Variants in FRMD4A observed in about 807,000 individuals in gnomAD.
FRMD4A encodes FERM domain containing 4A, also known as FERM domain-containing protein 4A.
FRMD4A carries 29 observed loss-of-function variants against 129.1 expected under a neutral mutation model. The observed-to-expected ratio is 0.22, with a 90% CI of 0.17 to 0.31. The LOEUF (loss-of-function observed/expected upper bound fraction) is 0.31. Ranked by LOEUF, FRMD4A falls within the 10% of genes least tolerant of loss-of-function variation. The probability of loss-of-function intolerance (pLI) is 1.00; values close to 1 mark genes in which losing one functional copy is unlikely to be tolerated. For missense variants in FRMD4A, 1,272 were observed against 1,375.8 expected, an observed-to-expected ratio of 0.92 and a Z score of 1.19; for synonymous variants, 634 against 571.6, an observed-to-expected ratio of 1.11 and a Z score of -1.56.
At chr10:13,878,216 T>A (rs2094508001) in intron 2 of FRMD4A, among the ~76,000 whole-genome samples, 1 of 140,076 alleles carries the variant, frequency 7.1e-6, no homozygotes, top group Non-Finnish European at 1.5e-5. Context: ...TGTTGACTAC[T>A]TGTAGCAAAA....
chr10:13,934,928 G>T (rs113204407), intron 2 of FRMD4A, among the ~76,000 whole-genome samples: 5 of 152,104 alleles, frequency 3.3e-5, no homozygotes, highest in Non-Finnish European at 7.4e-5. Context: ...GGTAGCTTTG[G>T]CGTCAGGTGA....
At chr10:13,715,992 T>C (rs989294431) in intron 12 of FRMD4A, among the ~76,000 whole-genome samples, 1 of 151,278 alleles carries the variant, frequency 6.6e-6, no homozygotes, top group Non-Finnish European at 1.5e-5. Context: ...AAGTAAAACA[T>C]AAAAGTTATG....
intron 2 of FRMD4A, among the ~76,000 whole-genome samples, chr10:13,974,605 C>A (rs2095534468): frequency 6.6e-6 from 1 of 152,196 alleles, no homozygotes; most frequent in African/African-American, 2.4e-5. Flanking sequence ...CAGCTCGCTG[C>A]AACCTCCGCC....
intron 2 of FRMD4A, among the ~76,000 whole-genome samples, chr10:13,968,746 A>C (rs2095500282): frequency 6.6e-6 from 1 of 152,180 alleles, no homozygotes; most frequent in African/African-American, 2.4e-5. Flanking sequence ...GAGCCACTGC[A>C]CCTGGCTCCA....
intron 4 of FRMD4A, among the ~76,000 whole-genome samples, chr10:13,801,322 C>T (rs1236085438): frequency 1.3e-5 from 2 of 152,118 alleles, no homozygotes; most frequent in Non-Finnish European, 2.9e-5. Context: ...TGGAATGACA[C>T]CTATATGATC....
intron 2 of FRMD4A, among the ~76,000 whole-genome samples, chr10:14,046,400 C>T (rs1043814665): frequency 1.3e-5 from 2 of 152,138 alleles, no homozygotes; most frequent in Non-Finnish European, 2.9e-5. Flanking sequence ...CTTTTCCACT[C>T]ATGTATATGC....
At chr10:13,713,628 A>G (rs2088265424) in intron 12 of FRMD4A, among the ~76,000 whole-genome samples, 1 of 151,696 alleles carries the variant, frequency 6.6e-6, no homozygotes, top group African/African-American at 2.4e-5. Flanking sequence ...CTGAACCCGA[A>G]TCAGATGGAA....
chr10:14,306,088 A>G (rs781582968), intron 2 of FRMD4A, among the ~76,000 whole-genome samples: 1 of 152,226 alleles, frequency 6.6e-6, no homozygotes, highest in South Asian at 2.1e-4. Flanking sequence ...ACACATTTAT[A>G]TAACAAATAG....
chr10:13,655,759 C>T (rs921361957), intron 22 of FRMD4A: 4 of 152,058 alleles, frequency 2.6e-5, no homozygotes, highest in Non-Finnish European at 5.9e-5. Flanking sequence ...TTCTGACTCT[C>T]ATTTTATTCT....
chr10:13,812,030 G>A (rs900791385), intron 3 of FRMD4A, among the ~76,000 whole-genome samples: 1 of 151,856 alleles, frequency 6.6e-6, no homozygotes, highest in Non-Finnish European at 1.5e-5. Context: ...CTACAGGTGC[G>A]TGCCACCATG....
At chr10:14,198,460 G>A (rs1842536292) in intron 2 of FRMD4A, among the ~76,000 whole-genome samples, 1 of 152,242 alleles carries the variant, frequency 6.6e-6, no homozygotes, top group East Asian at 1.9e-4. Flanking sequence ...AAAGGCAGAG[G>A]AAGTGTCCAG....
At chr10:13,839,413 G>A (rs1284995887) in intron 3 of FRMD4A, among the ~76,000 whole-genome samples, 2 of 152,174 alleles carry the variant, frequency 1.3e-5, no homozygotes, top group East Asian at 3.8e-4. Flanking sequence ...CTTTCTGAGT[G>A]ATCCTCCTCT....
intron 3 of FRMD4A, among the ~76,000 whole-genome samples, chr10:13,838,252 ATTT>A (rs905362746): frequency 1.1e-4 from 14 of 125,988 alleles, no homozygotes; most frequent in Admixed American, 1.6e-4. Context: ...TGCAGAGCTA[ATTT>A]TTTTTTTTTT....
intron 12 of FRMD4A, among the ~76,000 whole-genome samples, chr10:13,727,611 C>G (rs192598405): frequency 3.3e-4 from 50 of 152,276 alleles, no homozygotes; most frequent in African/African-American, 1.2e-3. Flanking sequence ...GTCCAGGGCA[C>G]ACCCCAGTAA....
intron 2 of FRMD4A, among the ~76,000 whole-genome samples, chr10:13,908,039 C>T (rs1239482215): frequency 6.6e-6 from 1 of 151,502 alleles, no homozygotes; most frequent in Non-Finnish European, 1.5e-5. Flanking sequence ...GTGGCGGGCA[C>T]CTGTAATCCC....
chr10:14,014,115 C>T (rs2095690615), intron 2 of FRMD4A, among the ~76,000 whole-genome samples: 1 of 152,120 alleles, frequency 6.6e-6, no homozygotes, highest in Non-Finnish European at 1.5e-5. Flanking sequence ...TGGAGACACA[C>T]ACCCATGGTT....
At chr10:14,269,927 G>C (rs940750418) in intron 2 of FRMD4A, among the ~76,000 whole-genome samples, 11 of 152,168 alleles carry the variant, frequency 7.2e-5, no homozygotes, top group African/African-American at 2.4e-4. Context: ...GCTGCCCCAG[G>C]GGTGGGGAAG....
chr10:14,176,560 C>G (rs371111720), intron 2 of FRMD4A, among the ~76,000 whole-genome samples: 2 of 149,982 alleles, frequency 1.3e-5, no homozygotes, highest in Non-Finnish European at 3.0e-5. Context: ...CTGCTATCTC[C>G]GCCTCCCAGG....
chr10:13,880,089 T>C lies in FRMD4A; in HGVS notation c.46-21177A>G, dbSNP rs573995357. Among the ~76,000 whole-genome samples the C allele has an allele frequency of 5.9e-5, 9 of 152,252 alleles. No homozygotes were observed. In the East Asian group the frequency reaches 1.5e-3, roughly 26 times the overall value. ...TGTACATGGGTGAGCTTCAACTCTG[T>C]GTCTCCACTGTGGTGTCCCCTGACC... On this transcript the variant is annotated intron_variant, in intron 2 of 24. Transcript: ENST00000357447.
Sources: gnomAD v4.1 joint callset for allele counts (sites outside exome capture counted in the v4.1 genomes callset) on GRCh38, gnomAD v4.1.1 for gene constraint, MANE v1.5 for transcripts, NCBI Gene and HGNC (gene_info 2026-07-23, HGNC 2026-07-21) for gene names.